CYP2C19: variants seen among roughly 807,000 people sequenced by gnomAD.
CYP2C19 encodes cytochrome P450 family 2 subfamily C member 19.
A neutral mutation model predicts 40.9 loss-of-function variants in CYP2C19; 59 were observed. The ratio of observed to expected loss-of-function variants is 1.44; its 90% CI spans 1.17 to 1.79. The LOEUF is 1.79. Ranked by LOEUF, CYP2C19 falls within the 40% of genes most tolerant of loss-of-function variation. The probability of loss-of-function intolerance (pLI) is 0.00; values close to 1 mark genes in which losing one functional copy is unlikely to be tolerated. For synonymous variants in CYP2C19, 253 were observed against 208.7 expected (o/e 1.21, Z -1.83); for missense variants, 754 against 596.9 (o/e 1.26, Z -2.74).
chr10:94,808,785 TA>T (rs1314463943), intron 5 of CYP2C19, among the ~76,000 whole-genome samples: 1 of 152,172 alleles, frequency 6.6e-6, no homozygotes, highest in Non-Finnish European at 1.5e-5. Context: ...TAAATGGCTG[TA>T]TAGTACTCCG....
At chr10:94,792,702 A>C (rs959436597) in intron 5 of CYP2C19, among the ~76,000 whole-genome samples, 1 of 152,152 alleles carries the variant, frequency 6.6e-6, no homozygotes, top group Non-Finnish European at 1.5e-5. Flanking sequence ...TCTGGCTTGT[A>C]GAGTTTCTGC....
At chr10:94,795,203 T>C (rs963773768) in intron 5 of CYP2C19, among the ~76,000 whole-genome samples, 2 of 135,912 alleles carry the variant, frequency 1.5e-5, no homozygotes, top group Non-Finnish European at 3.1e-5. Context: ...CCTTCCTGTG[T>C]CCAAGTGTTC....
chr10:94,815,823 G>A (rs984263028), intron 5 of CYP2C19, among the ~76,000 whole-genome samples: 5 of 151,962 alleles, frequency 3.3e-5, no homozygotes, highest in African/African-American at 4.8e-5. Context: ...TTTCATATCT[G>A]TTTTTATACA....
intron 5 of CYP2C19, among the ~76,000 whole-genome samples, chr10:94,818,500 T>A (rs1389937179): frequency 6.9e-6 from 1 of 145,668 alleles, no homozygotes; most frequent in Admixed American, 6.9e-5. Context: ...ATTTTCACAA[T>A]ATTGATTCTT....
rs1554851113 is a variant in CYP2C19, at chr10:94,798,838, T to TTG, written c.819+16841_819+16842insTG. Among the ~76,000 whole-genome samples the TTG allele has an allele frequency of 1.1e-4, 14 of 129,248 alleles. No homozygotes were observed. In the South Asian group the frequency reaches 3.5e-3, roughly 33 times the overall value. 84.8% of individuals were successfully genotyped at this position (129,248 alleles called of 152,430 possible). A position where few individuals can be genotyped will look rare whatever the true frequency, so the allele number is the denominator to read the frequency against. The stretch of plus-strand genomic sequence containing the variant: ...GATTTTTTTTTTTTTTTTTTTTTTT[T>TTG]GCTGTCTATTTGCTTGGTAGATCTT... On this transcript the variant is annotated intron_variant, in intron 5 of 8. Coordinates refer to ENST00000371321, the MANE Select transcript of CYP2C19 (RefSeq NM_000769.4).
intron 5 of CYP2C19, among the ~76,000 whole-genome samples, chr10:94,818,875 C>T (rs887506033): frequency 4.6e-5 from 7 of 152,044 alleles, no homozygotes; most frequent in African/African-American, 2.4e-5. Flanking sequence ...AATTGAATCC[C>T]CTTTATTTCC....
intron 6 of CYP2C19, among the ~76,000 whole-genome samples, chr10:94,839,395 C>T (rs1849455409): frequency 6.6e-6 from 1 of 151,698 alleles, no homozygotes. Flanking sequence ...GTTTTTCCTG[C>T]CTTTCTTGAC....
rs1849696789 is a variant in CYP2C19 at position 94,854,074 on chromosome 10, A to G, written c.*1160A>G. ...ACTTTTGTTCCCCAGGCTGGAGTGCAATGGTGCGATCTCGGCTCACTGCAA... is the reference window on the plus strand; with the variant it reads ...ACTTTTGTTCCCCAGGCTGGAGTGCGATGGTGCGATCTCGGCTCACTGCAA... On this transcript the variant is annotated 3_prime_UTR_variant, in exon 9 of 9. Transcript: ENST00000371321. Among the ~76,000 whole-genome samples, 1 of 149,992 alleles carries G rather than the reference A, an allele frequency of 6.7e-6. No homozygotes were observed. Among genetic ancestry groups the G allele is most frequent in the African/African-American group, 2.5e-5 (1 of 40,562 alleles).
rs571495107 is a variant in CYP2C19, at chr10:94,822,766, C to T, written c.961+2129C>T. 3.3e-5 allele frequency among the ~76,000 whole-genome samples: 5 copies of T among 152,164 alleles called. No individual in the cohort carries two copies. In the South Asian group the frequency reaches 8.3e-4, roughly 25 times the overall value. On this transcript the variant is annotated intron_variant, in intron 6 of 8. Transcript: ENST00000371321. ...TTGGACTTTTTAATATTAATAATTGCCATTCTGACTGGTGTGAGATGGTAC... is the reference window on the plus strand; with the variant it reads ...TTGGACTTTTTAATATTAATAATTGTCATTCTGACTGGTGTGAGATGGTAC...
At chr10:94,828,643 G>C (rs2134275670) in intron 6 of CYP2C19, among the ~76,000 whole-genome samples, 1 of 149,988 alleles carries the variant, frequency 6.7e-6, no homozygotes, top group South Asian at 2.2e-4. Flanking sequence ...TCTTTTAATT[G>C]GAGCATTTAG....
At chr10:94,766,529 G>T (rs762539001) in intron 1 of CYP2C19, among the ~76,000 whole-genome samples, 1 of 152,098 alleles carries the variant, frequency 6.6e-6, no homozygotes, top group Non-Finnish European at 1.5e-5. Context: ...TTAATATGCT[G>T]CTTAATAATA....
chr10:94,773,107 G>T (rs1207507799), intron 1 of CYP2C19, among the ~76,000 whole-genome samples: 2 of 152,172 alleles, frequency 1.3e-5, no homozygotes, highest in Non-Finnish European at 2.9e-5. Context: ...TGGCTGACAG[G>T]TGCCCAGTAT....
chr10:94,828,998 C>G (rs1166423698), intron 6 of CYP2C19, among the ~76,000 whole-genome samples: 1 of 152,092 alleles, frequency 6.6e-6, no homozygotes, highest in African/African-American at 2.4e-5. Flanking sequence ...GGCCCCCACT[C>G]TCTTCTGGCT....
At chr10:94,808,434 A>C (rs969063915) in intron 5 of CYP2C19, among the ~76,000 whole-genome samples, 8 of 152,198 alleles carry the variant, frequency 5.3e-5, no homozygotes, top group African/African-American at 1.9e-4. Flanking sequence ...TGTTACAGAC[A>C]ATCGAATTAT....
At chr10:94,817,425 T>C (rs1426398841) in intron 5 of CYP2C19, among the ~76,000 whole-genome samples, 1 of 142,662 alleles carries the variant, frequency 7.0e-6, no homozygotes, top group Non-Finnish European at 1.5e-5. Context: ...TTGATGGGGT[T>C]GTTTGTTTTT....
At chr10:94,826,814 T>C (rs1849232807) in intron 6 of CYP2C19, among the ~76,000 whole-genome samples, 1 of 152,186 alleles carries the variant, frequency 6.6e-6, no homozygotes, top group African/African-American at 2.4e-5. Context: ...ATAGCTCTTA[T>C]TATTTTGAAA....
In CYP2C19 at chr10:94,801,071, G is replaced by A. The variant is rs114369540; in HGVS notation, c.819+19074G>A. 2.7e-3 allele frequency among the ~76,000 whole-genome samples: 410 copies of A among 152,316 alleles called. 2 individuals are homozygous for A. The highest frequency in any genetic ancestry group is 9.0e-3 in the African/African-American group (376 of 41,570). On this transcript the variant is annotated intron_variant, in intron 5 of 8. Coordinates refer to ENST00000371321, the MANE Select transcript of CYP2C19 (RefSeq NM_000769.4). ...ATGAGATGAACAAGGTACCGCAGTT[G>A]GAAGTGCAGAAATCACTTGTCTTCT...
intron 5 of CYP2C19, among the ~76,000 whole-genome samples, chr10:94,798,181 G>C (rs1337487228): frequency 6.6e-6 from 1 of 152,042 alleles, no homozygotes; most frequent in South Asian, 2.1e-4. Flanking sequence ...AGAGATTCTA[G>C]TATATTGCAT....
intron 5 of CYP2C19, among the ~76,000 whole-genome samples, chr10:94,816,040 G>C (rs1049800886): frequency 2.0e-5 from 3 of 152,008 alleles, no homozygotes; most frequent in Non-Finnish European, 4.4e-5. Flanking sequence ...TTTGTGTTTT[G>C]AGAATGAAAG....
Sources: gnomAD v4.1 joint callset for allele counts (sites outside exome capture counted in the v4.1 genomes callset) on GRCh38, gnomAD v4.1.1 for gene constraint, MANE v1.5 for transcripts, NCBI Gene and HGNC (gene_info 2026-07-23, HGNC 2026-07-21) for gene names.